ZFHX3: variants seen among roughly 807,000 people sequenced by gnomAD.
ZFHX3 encodes the protein zinc finger homeobox protein 3.
ZFHX3 carries 42 observed loss-of-function variants against 279.1 expected under a neutral mutation model. The observed-to-expected ratio is 0.15, with a 90% CI of 0.12 to 0.19. The LOEUF (loss-of-function observed/expected upper bound fraction) is 0.19, where lower values mean the gene tolerates loss of function less well. Among genes scored for constraint, ZFHX3 ranks in the 10% least tolerant of loss-of-function variants. The pLI is 1.00. For synonymous variants in ZFHX3, 2,293 were observed against 1,957.8 expected, an observed-to-expected ratio of 1.17 and a Z score of -4.52; for missense variants, 4,981 against 4,754.0, an observed-to-expected ratio of 1.05 and a Z score of -1.40.
At chr16:73,023,114 C>T (rs2072974950) in intron 1 of ZFHX3, among the ~76,000 whole-genome samples, 1 of 152,186 alleles carries the variant, frequency 6.6e-6, no homozygotes, top group Admixed American at 6.5e-5. Context: ...ATGATTCCAG[C>T]TACTCAGGAG....
Position 72,950,781 on chromosome 16 carries a change from C to T in ZFHX3, c.2904G>A (p.Glu968=). 1 of 1,614,214 alleles carries T rather than the reference C, an allele frequency of 6.2e-7. No homozygotes were observed. Among genetic ancestry groups the T allele is most frequent in the South Asian group, 1.1e-5 (1 of 91,090 alleles). ...LDMLGLHMNV[E]RSLSEDEWKA... is the part of the protein sequence containing the mutation. ...TCCACTCGTCCTCCGACAGGCTGCG[C>T]TCCACGTTCATGTGCAGGCCCAGCA... The change falls in exon 3 of 10, where the codon GAG becomes GAA. Residue 968 remains glutamate (E), a synonymous_variant. Coordinates refer to ENST00000268489, the MANE Select transcript of ZFHX3 (RefSeq NM_006885.4).
intron 7 of ZFHX3, among the ~76,000 whole-genome samples, chr16:73,096,024 C>G (rs1204687364): frequency 3.3e-5 from 5 of 152,174 alleles, no homozygotes; most frequent in South Asian, 2.1e-4. Flanking sequence ...GTTGGAAAGA[C>G]GATGTGATTG....
rs187311956 is a variant in ZFHX3, at chr16:73,071,180, G to C, written c.-532-12168C>G. Among the ~76,000 whole-genome samples the C allele has an allele frequency of 3.3e-5, 5 of 151,542 alleles. 1 individual carries two copies. The highest frequency in any genetic ancestry group is 3.3e-4 in the Admixed American group (5 of 15,226). On this transcript the variant is annotated intron_variant, in intron 8 of 17. Coordinates refer to the ZFHX3 transcript ENST00000641206. ...AAAAAGTCTTCTGGGCCAGGGGTAG[G>C]GGGAGGAGGGCCAGGCAAGGCTGCG... is the stretch of plus-strand genomic sequence containing the variant.
intron 5 of ZFHX3, among the ~76,000 whole-genome samples, chr16:72,826,366 T>C (rs1170272506): frequency 1.3e-5 from 2 of 152,176 alleles, no homozygotes; most frequent in Non-Finnish European, 2.9e-5. Flanking sequence ...TTAATCTGCA[T>C]CATGAACAGC....
intron 3 of ZFHX3, among the ~76,000 whole-genome samples, chr16:73,417,397 T>TTTC (rs953600819): frequency 1.8e-4 from 1 of 5,512 alleles, no homozygotes; most frequent in African/African-American, 4.3e-4. Flanking sequence ...TTTTCTTTTC[T>TTTC]TTTTTTTTTT....
At chr16:72,979,268 A>G (rs758401509) in intron 1 of ZFHX3, among the ~76,000 whole-genome samples, 8 of 152,230 alleles carry the variant, frequency 5.3e-5, no homozygotes, top group Non-Finnish European at 8.8e-5. Flanking sequence ...AATACGCAGA[A>G]TGGTTACTGT....
chr16:73,505,506 C>G (rs1372619255), intron 2 of ZFHX3, among the ~76,000 whole-genome samples: 1 of 151,584 alleles, frequency 6.6e-6, no homozygotes, highest in African/African-American at 2.4e-5. Context: ...TGTCCGTTAA[C>G]TACTTAGACA....
chr16:73,484,231 A>G (rs2018932279), intron 2 of ZFHX3, among the ~76,000 whole-genome samples: 1 of 152,128 alleles, frequency 6.6e-6, no homozygotes, highest in South Asian at 2.1e-4. Context: ...TCTTCTCCGT[A>G]TTGTAAGGGT....
At chr16:73,582,590 T>C (rs555433767) in intron 2 of ZFHX3, among the ~76,000 whole-genome samples, 1 of 152,014 alleles carries the variant, frequency 6.6e-6, no homozygotes, top group African/African-American at 2.4e-5. Context: ...TTCTTCTGCC[T>C]CAGCCTCCTG....
At chr16:73,357,276 T>C (rs2016358828) in intron 3 of ZFHX3, among the ~76,000 whole-genome samples, 1 of 151,856 alleles carries the variant, frequency 6.6e-6, no homozygotes, top group Non-Finnish European at 1.5e-5. Flanking sequence ...GGGCATAAAA[T>C]GCATCAGCAG....
chr16:72,927,377 G>A (rs1304054391), intron 3 of ZFHX3, among the ~76,000 whole-genome samples: 1 of 152,046 alleles, frequency 6.6e-6, no homozygotes, highest in Non-Finnish European at 1.5e-5. Context: ...TTCTCCCGCT[G>A]GGATGGCCAA....
At chr16:72,962,447 T>C (rs1961624714) in intron 1 of ZFHX3, among the ~76,000 whole-genome samples, 1 of 152,178 alleles carries the variant, frequency 6.6e-6, no homozygotes, top group Non-Finnish European at 1.5e-5. Flanking sequence ...CTGGTGACCC[T>C]GTGGTGGTGA....
intron 1 of ZFHX3, among the ~76,000 whole-genome samples, chr16:73,839,023 A>G (rs1961221625): frequency 6.6e-6 from 1 of 152,092 alleles, no homozygotes; most frequent in African/African-American, 2.4e-5. Flanking sequence ...CCTACCAGGA[A>G]CAGTCAAAGG....
intron 3 of ZFHX3, among the ~76,000 whole-genome samples, chr16:73,393,742 A>G (rs1597315860): frequency 6.6e-6 from 1 of 152,106 alleles, no homozygotes; most frequent in South Asian, 2.1e-4. Flanking sequence ...GGGAGTCACC[A>G]TAGTATCCAG....
chr16:73,351,647 C>G (rs2016244075), intron 3 of ZFHX3, among the ~76,000 whole-genome samples: 1 of 152,222 alleles, frequency 6.6e-6, no homozygotes, highest in Non-Finnish European at 1.5e-5. Context: ...CAAGTCCTGG[C>G]TGTTTGATAG....
intron 1 of ZFHX3, among the ~76,000 whole-genome samples, chr16:73,777,331 G>A (rs187211202): frequency 3.6e-4 from 55 of 151,718 alleles, no homozygotes; most frequent in East Asian, 2.3e-3. Flanking sequence ...GTGAAACCCC[G>A]TCTCTACTAA....
At position 73,369,725 on chromosome 16, in the gene ZFHX3, G is replaced by A; in HGVS notation, c.-1290-51389C>T. ...CTGAAGATTTGGATCAGGAGGGCAG[G>A]GCTGTGCTTCTGTGATATTAAAAAG... On this transcript the variant is annotated intron_variant, in intron 3 of 17. Coordinates refer to the ZFHX3 transcript ENST00000641206. Among the ~76,000 whole-genome samples the A allele has an allele frequency of 1.3e-5, 2 of 152,136 alleles. 1 individual carries two copies. The highest frequency in any genetic ancestry group is 3.9e-4 in the East Asian group (2 of 5,190).
At chr16:72,789,451 T>C (rs534153562) in intron 9 of ZFHX3, 7 of 152,300 alleles carry the variant, frequency 4.6e-5, no homozygotes, top group Admixed American at 1.3e-4. Flanking sequence ...ATCACAAAAA[T>C]AGTATGGCCA....
At position 72,794,996 on chromosome 16, in the gene ZFHX3, G is replaced by A. The variant is rs777891998; in HGVS notation, c.7686C>T (p.His2562=). The part of the protein sequence containing the change: ...HFLSAQNQFI[H]PQFLDRSLDM... ...CCAGGGACCTGTCCAAAAACTGGGG[G>A]TGGATGAACTGGTTCTGCGCGCTCA... The change falls in exon 9 of 10, where the codon CAC becomes CAT. Residue 2562 remains histidine, a synonymous_variant. Transcript: ENST00000268489. The surrounding 1 kb of genome is among the most constrained non-coding windows in gnomAD (Gnocchi z 4.2). The A allele has an allele frequency of 5.6e-6, 9 of 1,614,090 alleles. No homozygotes were observed. The highest frequency in any genetic ancestry group is 7.6e-6 in the Non-Finnish European group (9 of 1,180,056).
Sources: allele counts gnomAD v4.1 joint callset (sites outside exome capture counted in the v4.1 genomes callset), GRCh38; gene constraint gnomAD v4.1.1; non-coding constraint Gnocchi (gnomAD v3.1); transcripts MANE v1.5; gene names NCBI Gene and HGNC (gene_info 2026-07-23, HGNC 2026-07-21).